The following ROR2 variants were observed in gnomAD, a reference collection of about 807,000 sequenced individuals.
The protein encoded by ROR2 is tyrosine-protein kinase transmembrane receptor ROR2.
ROR2 carries 33 observed loss-of-function variants against 74.9 expected under a neutral mutation model. The ratio of observed to expected loss-of-function variants is 0.44; its 90% CI spans 0.33 to 0.59. ROR2 has a LOEUF of 0.59. Ranked by LOEUF, ROR2 falls within the 20% of genes least tolerant of loss-of-function variation. The pLI is 0.02. For missense variants in ROR2, 1,216 were observed against 1,313.8 expected (o/e 0.93, Z 1.15); for synonymous variants, 586 against 558.7 (o/e 1.05, Z -0.69).
At chr9:91,796,520 G>A (rs1827175105) in intron 1 of ROR2, among the ~76,000 whole-genome samples, 1 of 146,896 alleles carries the variant, frequency 6.8e-6, no homozygotes, top group Non-Finnish European at 1.5e-5. Flanking sequence ...TACAATTTTT[G>A]TGTCTTCCCA....
At position 91,723,777 on chromosome 9, in the gene ROR2, T is replaced by C. The variant is rs771792088; in HGVS notation, c.2717A>G (p.Gln906Arg). The part of the protein sequence containing the change: ...DTQNAPEDGA[Q>R]STVQEAEEEE... ...CTCCTCTGCTTCCTGCACGGTGCTC[T>C]GGGCCCCATCTTCTGGGGCGTTCTG... is the stretch of plus-strand genomic sequence containing the variant. Residue 906 changes from glutamine (Q) to arginine (R), a missense_variant, in exon 9 of 9, where the codon CAG becomes CGG. By Grantham distance (43) the Gln-to-Arg change is conservative (BLOSUM62 1). Coordinates refer to ENST00000375708, the MANE Select transcript of ROR2 (RefSeq NM_004560.4). 8.7e-6 allele frequency: 14 copies of C among 1,613,898 alleles called. 1 individual carries two copies. In the South Asian group the frequency reaches 1.4e-4, roughly 16 times the overall value.
At chr9:91,903,752 T>C (rs910576602) in intron 1 of ROR2, among the ~76,000 whole-genome samples, 3 of 152,082 alleles carry the variant, frequency 2.0e-5, no homozygotes, top group Admixed American at 6.5e-5. Context: ...ACAAACGCAA[T>C]TGGCTTGAGA....
chr9:91,821,331 A>G (rs1030390006), intron 1 of ROR2, among the ~76,000 whole-genome samples: 8 of 152,200 alleles, frequency 5.3e-5, no homozygotes, highest in Non-Finnish European at 1.2e-4. Flanking sequence ...GTGCAAATAA[A>G]TACAGTATGT....
intron 1 of ROR2, among the ~76,000 whole-genome samples, chr9:91,915,778 T>C (rs1027957749): frequency 2.0e-5 from 3 of 152,190 alleles, no homozygotes; most frequent in African/African-American, 7.2e-5. Context: ...TGAGCAGTCA[T>C]TGGCACATTT....
intron 2 of ROR2, among the ~76,000 whole-genome samples, chr9:91,775,080 A>C (rs1165884356): frequency 6.6e-6 from 1 of 152,190 alleles, no homozygotes; most frequent in Non-Finnish European, 1.5e-5. Context: ...CTGTGCTGGC[A>C]CCTTGATCTT....
chr9:91,801,273 T>C (rs1277704811), intron 1 of ROR2, among the ~76,000 whole-genome samples: 1 of 152,236 alleles, frequency 6.6e-6, no homozygotes, highest in Non-Finnish European at 1.5e-5. Context: ...TGAGTCTTCA[T>C]TCTTCATGTG....
intron 1 of ROR2, among the ~76,000 whole-genome samples, chr9:91,796,449 A>C (rs1397027813): frequency 5.3e-5 from 8 of 151,972 alleles, no homozygotes; most frequent in South Asian, 4.2e-4. Flanking sequence ...AAAAAAAAAA[A>C]AAAAAACATT....
Position 91,771,230 on chromosome 9 carries a change from C to G in ROR2, c.175+4511G>C, listed in dbSNP as rs80285304. On this transcript the variant is annotated intron_variant, in intron 2 of 8. Transcript: ENST00000375708. ...TCTGAAGTCGAGAGACACAGCTCGC[C>G]GGGTCTATTTTGGCTGAGCCAGAAC... 5.8e-3 allele frequency among the ~76,000 whole-genome samples: 885 copies of G among 152,328 alleles called. 10 individuals are homozygous for G. The highest frequency in any genetic ancestry group is 0.021 in the African/African-American group (854 of 41,570).
At chr9:91,778,116 G>A (rs1826481395) in intron 1 of ROR2, among the ~76,000 whole-genome samples, 1 of 152,226 alleles carries the variant, frequency 6.6e-6, no homozygotes, top group Non-Finnish European at 1.5e-5. Flanking sequence ...GCCTGGTAAG[G>A]AGACCTGCAC....
At chr9:91,911,225 T>G (rs901273284) in intron 1 of ROR2, among the ~76,000 whole-genome samples, 1 of 152,224 alleles carries the variant, frequency 6.6e-6, no homozygotes, top group Non-Finnish European at 1.5e-5. Context: ...TATAGTCATG[T>G]GTCCCCTAAG....
intron 4 of ROR2, among the ~76,000 whole-genome samples, chr9:91,742,903 T>C (rs1376481154): frequency 6.6e-6 from 1 of 152,218 alleles, no homozygotes; most frequent in East Asian, 1.9e-4. Context: ...ATATTTTTAC[T>C]GTACCTTTGC....
At chr9:91,936,781 A>G (rs1222807037) in intron 1 of ROR2, among the ~76,000 whole-genome samples, 1 of 152,092 alleles carries the variant, frequency 6.6e-6, no homozygotes, top group East Asian at 1.9e-4. Context: ...CTGTAATCCC[A>G]GCACTTTGGG....
chr9:91,783,393 C>T (rs1826687610), intron 1 of ROR2, among the ~76,000 whole-genome samples: 1 of 152,242 alleles, frequency 6.6e-6, no homozygotes, highest in South Asian at 2.1e-4. Flanking sequence ...GAGTGCCTCG[C>T]TGAGAAGGGA....
At chr9:91,786,305 C>A (rs1826799980) in intron 1 of ROR2, among the ~76,000 whole-genome samples, 1 of 151,424 alleles carries the variant, frequency 6.6e-6, no homozygotes, top group Non-Finnish European at 1.5e-5. Context: ...CCAGTCTGGG[C>A]AACAGAGCAA....
intron 1 of ROR2, among the ~76,000 whole-genome samples, chr9:91,910,828 T>C (rs767654772): frequency 5.3e-5 from 8 of 152,218 alleles, no homozygotes; most frequent in Non-Finnish European, 8.8e-5. Flanking sequence ...CATGCCCAGC[T>C]AATTTTTGTA....
chr9:91,796,415 A>G (rs904429822), intron 1 of ROR2, among the ~76,000 whole-genome samples: 3 of 148,350 alleles, frequency 2.0e-5, no homozygotes, highest in East Asian at 2.2e-4. Flanking sequence ...CCTGGGCAAC[A>G]GAGTGAGACC....
rs548019212 is a variant in ROR2 at position 91,796,831 on chromosome 9, T to A, written c.98-21013A>T. 4.0e-5 allele frequency among the ~76,000 whole-genome samples: 5 copies of A among 126,108 alleles called. No homozygotes were observed. The East Asian group carries it at 1.6e-3, about 40-fold the overall frequency. The allele number at this position is 126,108 out of a possible 152,430, so 82.7% of individuals were successfully genotyped here. ...ACACCCTGGGATCTGTGGGTGGGGC[T>A]GACACCCTGGGCTCTGTGGGTGGGG... On this transcript the variant is annotated intron_variant, in intron 1 of 8. Transcript: ENST00000375708.
chr9:91,806,624 C>T (rs777998751), intron 1 of ROR2, among the ~76,000 whole-genome samples: 4 of 152,206 alleles, frequency 2.6e-5, no homozygotes, highest in Non-Finnish European at 5.9e-5. Flanking sequence ...GAGTCTCGCT[C>T]TGTCGCCCAG....
chr9:91,729,007 C>T (rs1477864324), intron 7 of ROR2, among the ~76,000 whole-genome samples: 1 of 151,218 alleles, frequency 6.6e-6, no homozygotes, highest in African/African-American at 2.4e-5. Context: ...ATACAAGATT[C>T]TAAGAATTGA....
Sources: allele counts gnomAD v4.1 joint callset (sites outside exome capture counted in the v4.1 genomes callset), GRCh38; gene constraint gnomAD v4.1.1; transcripts MANE v1.5; gene names NCBI Gene and HGNC (gene_info 2026-07-23, HGNC 2026-07-21).